KDM4A: variants seen among roughly 807,000 people sequenced by gnomAD.
KDM4A encodes the protein lysine demethylase 4A.
Under a neutral mutation model 127.1 loss-of-function variants are expected in KDM4A, and 23 were observed. The observed-to-expected ratio is 0.18, with a 90% CI of 0.13 to 0.26. KDM4A has a LOEUF of 0.26. KDM4A is among the 10% of genes least tolerant of loss of function. The pLI, the probability that KDM4A is intolerant of heterozygous loss-of-function variation, is 1.00. For missense variants in KDM4A, 890 were observed against 1,329.1 expected (o/e 0.67, Z 5.14); for synonymous variants, 443 against 466.5 (o/e 0.95, Z 0.65).
intron 7 of KDM4A, 59 bp from the exon 8 acceptor site, chr1:43,666,895 T>C: frequency 3.8e-6 from 6 of 1,570,186 alleles, no homozygotes; most frequent in Non-Finnish European, 5.3e-6. Context: ...GAGCTCAGAA[T>C]TCCAGTTCTG....
chr1:43,695,134 T>A (rs1157569575), intron 18 of KDM4A, among the ~76,000 whole-genome samples: 1 of 152,208 alleles, frequency 6.6e-6, no homozygotes, highest in East Asian at 1.9e-4. Flanking sequence ...TTTACTTGTC[T>A]GCCTCTCCAT....
chr1:43,670,675 T>C (rs1342791908), intron 10 of KDM4A, among the ~76,000 whole-genome samples: 1 of 149,632 alleles, frequency 6.7e-6, no homozygotes, highest in Non-Finnish European at 1.5e-5. Context: ...GTGATTCTCC[T>C]ACCTCAGCCT....
intron 19 of KDM4A, among the ~76,000 whole-genome samples, chr1:43,703,226 G>A (rs995690380): frequency 6.6e-6 from 1 of 151,884 alleles, no homozygotes; most frequent in Non-Finnish European, 1.5e-5. Context: ...ACAGGCATGA[G>A]CCACCGTGCC....
At position 43,693,837 on chromosome 1, in the gene KDM4A, G is replaced by A. The variant is rs1048033286; in HGVS notation, c.2376-157G>A. On this transcript the variant is annotated intron_variant, in intron 16 of 21. Coordinates refer to ENST00000372396, the MANE Select transcript of KDM4A (RefSeq NM_014663.3). This position sits in a 1 kb window ranked among gnomAD's most constrained non-coding sequence, Gnocchi z 4.2. ...ACTGCTTCCACATACTCAGAGGAGA[G>A]ACGGTTCTGGTTCTCACCTTCCTGG... Among the ~76,000 whole-genome samples the A allele has an allele frequency of 2.6e-5, 4 of 152,234 alleles. No individual in the cohort carries two copies. Among genetic ancestry groups the A allele is most frequent in the Non-Finnish European group, 5.9e-5 (4 of 68,044 alleles).
chr1:43,678,666 C>T (rs1186544073), intron 11 of KDM4A, among the ~76,000 whole-genome samples: 1 of 151,372 alleles, frequency 6.6e-6, no homozygotes, highest in East Asian at 1.9e-4. Context: ...CAGCTCACCA[C>T]AGCCTCGACC....
intron 9 of KDM4A, among the ~76,000 whole-genome samples, chr1:43,668,295 T>G (rs1481057819): frequency 6.6e-6 from 1 of 151,950 alleles, no homozygotes; most frequent in African/African-American, 2.4e-5. Flanking sequence ...CTGGCTAATT[T>G]TTTGTATTTT....
chr1:43,687,904 C>G (rs1305917063), intron 12 of KDM4A, among the ~76,000 whole-genome samples: 1 of 152,120 alleles, frequency 6.6e-6, no homozygotes, highest in Non-Finnish European at 1.5e-5. Context: ...GAGTTGTATG[C>G]CCTGCTGTCT....
chr1:43,659,388 C>A (rs991544198), intron 3 of KDM4A, among the ~76,000 whole-genome samples: 2 of 152,120 alleles, frequency 1.3e-5, no homozygotes, highest in African/African-American at 4.8e-5. Flanking sequence ...TAGCTCAGCT[C>A]ACTGCAGACT....
chr1:43,671,804 A>G lies in KDM4A; in HGVS notation c.1663A>G (p.Thr555Ala). Residue 555 changes from threonine to alanine, a missense_variant, in exon 11 of 22, where the codon ACT (threonine) becomes GCT (alanine). Around this residue, in one of 7 missense-constraint regions of KDM4A, gnomAD observed 389 missense variants for 485.9 expected, o/e 0.80. Transcript: ENST00000372396. The stretch of plus-strand genomic sequence containing the variant: ...TTATGCCAAAGGGGATGGCAGGGTC[A>G]CTGTGGGAGAGCCATGCACGAGGAA... ...HSYAKGDGRV[T>A]VGEPCTRKKG... 1 of 1,607,780 alleles carries G rather than the reference A, an allele frequency of 6.2e-7. No individual in the cohort carries two copies. The highest frequency in any genetic ancestry group is 8.5e-7 in the Non-Finnish European group (1 of 1,176,952).
At chr1:43,695,341 T>A (rs1371107771) in intron 18 of KDM4A, among the ~76,000 whole-genome samples, 1 of 152,224 alleles carries the variant, frequency 6.6e-6, no homozygotes, top group African/African-American at 2.4e-5. Context: ...AAGTGACATG[T>A]AATGTTAGCT....
At chr1:43,677,529 C>G (rs1038514688) in intron 11 of KDM4A, among the ~76,000 whole-genome samples, 6 of 152,150 alleles carry the variant, frequency 3.9e-5, no homozygotes, top group African/African-American at 1.4e-4. Flanking sequence ...TCAAGGCCCA[C>G]ACCTTTGATT....
At chr1:43,661,770 G>A (rs1660387550) in intron 4 of KDM4A, among the ~76,000 whole-genome samples, 2 of 152,020 alleles carry the variant, frequency 1.3e-5, no homozygotes, top group Admixed American at 1.3e-4. Context: ...AATAATACAG[G>A]ACCTAGTTAT....
intron 2 of KDM4A, among the ~76,000 whole-genome samples, chr1:43,654,531 T>A (rs886276338): frequency 6.6e-6 from 1 of 152,118 alleles, no homozygotes; most frequent in African/African-American, 2.4e-5. Context: ...TTCAACTCAT[T>A]CTTCTTTTTT....
At position 43,675,213 on chromosome 1, in the gene KDM4A, A is replaced by G. The variant is rs1660714301; in HGVS notation, c.1734+3338A>G. On this transcript the variant is annotated intron_variant, in intron 11 of 21. Coordinates refer to ENST00000372396, the MANE Select transcript of KDM4A (RefSeq NM_014663.3). ...GGCTTGTTTGTTTGAACTACTTAAA[A>G]GTCTCTAAAACTGTCTTGGCTGCCC... 4.6e-5 allele frequency among the ~76,000 whole-genome samples: 7 copies of G among 152,326 alleles called. No individual in the cohort carries two copies. The South Asian group carries it at 1.5e-3, about 32-fold the overall frequency.
chr1:43,658,648 C>T (rs1472164139), intron 3 of KDM4A, among the ~76,000 whole-genome samples: 4 of 151,536 alleles, frequency 2.6e-5, no homozygotes, highest in Admixed American at 1.3e-4. Flanking sequence ...GGACTATAGG[C>T]GCCCGCCACA....
At chr1:43,652,324 ATAAT>A (rs543235838) in intron 1 of KDM4A, among the ~76,000 whole-genome samples, 138 of 152,292 alleles carry the variant, frequency 9.1e-4, no homozygotes, top group Admixed American at 2.2e-3. Context: ...CAACAACTAA[ATAAT>A]TAGTTTCCTT....
intron 18 of KDM4A, 110 bp downstream of exon 18, chr1:43,695,004 T>C (rs1049085005): frequency 2.8e-6 from 3 of 1,073,264 alleles, no homozygotes; most frequent in Non-Finnish European, 4.0e-6. Context: ...TTCTGCATTA[T>C]GAAGAGTGCT....
At position 43,697,917 on chromosome 1, in the gene KDM4A, C is replaced by T; in HGVS notation, c.2745C>T (p.Tyr915=). The T allele has an allele frequency of 6.2e-7, 1 of 1,613,624 alleles. No individual in the cohort carries two copies. The highest frequency in any genetic ancestry group is 8.5e-7 in the Non-Finnish European group (1 of 1,179,924). Residue 915 remains tyrosine, a synonymous_variant, in exon 19 of 22, where the codon TAC becomes TAT. Coordinates refer to ENST00000372396, the MANE Select transcript of KDM4A (RefSeq NM_014663.3). The part of the protein sequence containing the change: ...VISKHKNGRF[Y]QCEVVRLTTE... ...GCAAGCATAAGAACGGGCGCTTCTA[C>T]CAGTGTGAAGTGGTCAGGCTCACCA...
intron 18 of KDM4A, among the ~76,000 whole-genome samples, chr1:43,695,771 T>C (rs1300106252): frequency 6.6e-6 from 1 of 152,048 alleles, no homozygotes; most frequent in Admixed American, 6.5e-5. Context: ...TTGGGGTACA[T>C]TTAACTTTGA....
Sources: allele counts gnomAD v4.1 joint callset (sites outside exome capture counted in the v4.1 genomes callset), GRCh38; gene constraint gnomAD v4.1.1; regional missense constraint gnomAD v4.1.1; non-coding constraint Gnocchi (gnomAD v3.1); transcripts MANE v1.5; gene names NCBI Gene and HGNC (gene_info 2026-07-23, HGNC 2026-07-21).